Variants in IMMP2L observed in about 807,000 individuals in gnomAD.
The protein encoded by IMMP2L is inner mitochondrial membrane peptidase subunit 2, also known as mitochondrial inner membrane protease subunit 2.
In IMMP2L, 18 loss-of-function variants were observed where a neutral mutation model predicts 19.3. The observed-to-expected ratio is 0.93, with a 90% CI of 0.64 to 1.38. The LOEUF (loss-of-function observed/expected upper bound fraction) is 1.38. Ranked by LOEUF, IMMP2L falls within the 40% of genes most tolerant of loss-of-function variation. IMMP2L has a pLI of 0.00. For missense variants in IMMP2L, 233 were observed against 218.2 expected (o/e 1.07, Z -0.43); for synonymous variants, 76 against 73.0 (o/e 1.04, Z -0.21).
At chr7:110,767,317 T>G (rs1236942298) in intron 5 of IMMP2L, among the ~76,000 whole-genome samples, 1 of 152,156 alleles carries the variant, frequency 6.6e-6, no homozygotes, top group African/African-American at 2.4e-5. Context: ...GAAACGATGT[T>G]CCTAAACCAA....
chr7:110,753,038 T>C (rs940282576), intron 5 of IMMP2L, among the ~76,000 whole-genome samples: 5 of 152,102 alleles, frequency 3.3e-5, no homozygotes, highest in Non-Finnish European at 5.9e-5. Context: ...TAACTTATAA[T>C]GGAGTATGGA....
intron 3 of IMMP2L, among the ~76,000 whole-genome samples, chr7:111,048,266 G>GAAAA (rs1395699136): frequency 9.0e-6 from 1 of 110,770 alleles, no homozygotes; most frequent in African/African-American, 3.8e-5. Flanking sequence ...AAAAAAAAAA[G>GAAAA]AAAAAAAGAA....
intron 3 of IMMP2L, among the ~76,000 whole-genome samples, chr7:111,474,783 T>G (rs1300330149): frequency 6.6e-6 from 1 of 152,116 alleles, no homozygotes; most frequent in Non-Finnish European, 1.5e-5. Context: ...TTACCAAAGC[T>G]TTCCTATTAT....
At chr7:110,989,236 A>T (rs1822194390) in intron 3 of IMMP2L, among the ~76,000 whole-genome samples, 1 of 151,218 alleles carries the variant, frequency 6.6e-6, no homozygotes, top group Non-Finnish European at 1.5e-5. Context: ...ACTGTCTCAA[A>T]AAAAAAGATG....
At chr7:110,891,146 T>C (rs1353472057) in intron 4 of IMMP2L, among the ~76,000 whole-genome samples, 1 of 151,774 alleles carries the variant, frequency 6.6e-6, no homozygotes, top group Non-Finnish European at 1.5e-5. Context: ...ATGGTTTTCA[T>C]TGTCTTGAAG....
intron 5 of IMMP2L, among the ~76,000 whole-genome samples, chr7:110,820,440 A>G (rs1404906468): frequency 6.6e-6 from 1 of 152,084 alleles, no homozygotes; most frequent in East Asian, 1.9e-4. Context: ...CTATATCAAT[A>G]AAGTAGCTTA....
At chr7:111,465,440 T>C (rs1840545578) in intron 3 of IMMP2L, among the ~76,000 whole-genome samples, 1 of 150,374 alleles carries the variant, frequency 6.7e-6, no homozygotes, top group African/African-American at 2.5e-5. Flanking sequence ...ATATGTGTAC[T>C]TAGTTTTGTT....
intron 3 of IMMP2L, among the ~76,000 whole-genome samples, chr7:111,266,756 T>C (rs955803293): frequency 9.9e-5 from 15 of 152,224 alleles, no homozygotes; most frequent in Middle Eastern, 3.4e-3. Flanking sequence ...ACATGTGAAA[T>C]TGCCACATTT....
chr7:111,274,018 A>G (rs1292885630), intron 3 of IMMP2L, among the ~76,000 whole-genome samples: 2 of 152,116 alleles, frequency 1.3e-5, no homozygotes, highest in Non-Finnish European at 2.9e-5. Flanking sequence ...CTTTCATGGG[A>G]AGAAAATGTG....
intron 3 of IMMP2L, among the ~76,000 whole-genome samples, chr7:111,017,464 A>G (rs959280810): frequency 3.9e-5 from 6 of 152,096 alleles, no homozygotes; most frequent in Admixed American, 2.6e-4. Context: ...AAGGAGGGTA[A>G]TGTATACTGT....
At chr7:111,020,328 G>C (rs561145934) in intron 3 of IMMP2L, among the ~76,000 whole-genome samples, 1 of 152,166 alleles carries the variant, frequency 6.6e-6, no homozygotes, top group Non-Finnish European at 1.5e-5. Context: ...AGGTTGCAGT[G>C]AGCTGAGATC....
chr7:111,005,765 G>A (rs1036071449), intron 3 of IMMP2L, among the ~76,000 whole-genome samples: 3 of 152,132 alleles, frequency 2.0e-5, no homozygotes, highest in African/African-American at 7.2e-5. Context: ...TCAGGAGAGA[G>A]TAAAGAATGC....
At chr7:111,317,013 C>G (rs1239876885) in intron 3 of IMMP2L, among the ~76,000 whole-genome samples, 1 of 151,926 alleles carries the variant, frequency 6.6e-6, no homozygotes, top group South Asian at 2.1e-4. Flanking sequence ...CCACGCCCAA[C>G]TAATTTTTGT....
chr7:111,063,723 T>C (rs959866838), intron 3 of IMMP2L, among the ~76,000 whole-genome samples: 3 of 152,184 alleles, frequency 2.0e-5, no homozygotes, highest in Admixed American at 6.5e-5. Flanking sequence ...CACAAATCTC[T>C]AGGGCAGGGC....
chr7:111,507,751 G>C (rs536882148), intron 2 of IMMP2L, among the ~76,000 whole-genome samples: 1 of 152,144 alleles, frequency 6.6e-6, no homozygotes, highest in Admixed American at 6.6e-5. Context: ...CAACCAAAAT[G>C]TATCTGCTTG....
intron 3 of IMMP2L, among the ~76,000 whole-genome samples, chr7:111,038,033 T>A (rs570744312): frequency 6.6e-6 from 1 of 152,308 alleles, no homozygotes; most frequent in Non-Finnish European, 1.5e-5. Flanking sequence ...TGATAGATAC[T>A]ATTATAGTGA....
At chr7:111,221,055 C>T (rs1812460130) in intron 3 of IMMP2L, among the ~76,000 whole-genome samples, 1 of 151,978 alleles carries the variant, frequency 6.6e-6, no homozygotes, top group Non-Finnish European at 1.5e-5. Context: ...TAATGTTTAA[C>T]CAGATATCTG....
intron 3 of IMMP2L, among the ~76,000 whole-genome samples, chr7:111,035,093 C>T (rs2129569662): frequency 6.6e-6 from 1 of 152,220 alleles, no homozygotes; most frequent in East Asian, 1.9e-4. Flanking sequence ...TCCAATACTG[C>T]TTTGAGACAG....
intron 3 of IMMP2L, among the ~76,000 whole-genome samples, chr7:111,152,113 G>T (rs1158950224): frequency 6.6e-6 from 1 of 152,096 alleles, no homozygotes; most frequent in Admixed American, 6.6e-5. Flanking sequence ...AATCGTGGAA[G>T]GGAGAAAATC....
Sources: allele counts gnomAD v4.1 joint callset (sites outside exome capture counted in the v4.1 genomes callset), GRCh38; gene constraint gnomAD v4.1.1; transcripts MANE v1.5; gene names NCBI Gene and HGNC (gene_info 2026-07-23, HGNC 2026-07-21).